The following TSR1 variants were observed in gnomAD, a reference collection of about 807,000 sequenced individuals.
The protein encoded by TSR1 is pre-rRNA-processing protein TSR1 homolog.
Under a neutral mutation model 90.9 loss-of-function variants are expected in TSR1, and 81 were observed. That is an observed-to-expected ratio of 0.89 (90% CI 0.74 to 1.07). The LOEUF (loss-of-function observed/expected upper bound fraction) is 1.07. Among genes scored for constraint, TSR1 ranks in the 50% least tolerant of loss-of-function variants. The pLI is 0.00. For missense variants in TSR1, 989 were observed against 987.3 expected (o/e 1.00, Z -0.02); for synonymous variants, 362 against 348.8 (o/e 1.04, Z -0.42).
At chr17:2,333,485 T>A (rs1051525209) in intron 6 of TSR1, 72 bp downstream of exon 6, 1 of 1,597,928 alleles carries the variant, frequency 6.3e-7, no homozygotes, top group Non-Finnish European at 8.6e-7. Context: ...TATAGGGCCC[T>A]CACTTGGAAC....
chr17:2,332,874 A>G (rs1447251383), intron 7 of TSR1, 87 bp downstream of exon 7: 10 of 1,292,210 alleles, frequency 7.7e-6, no homozygotes, highest in Non-Finnish European at 1.1e-5. Flanking sequence ...AAAGAAACTA[A>G]CCACACACAC....
intron 8 of TSR1, among the ~76,000 whole-genome samples, 189 bp downstream of exon 8, chr17:2,331,980 C>T (rs1378027188): frequency 1.3e-5 from 2 of 152,226 alleles, no homozygotes; most frequent in African/African-American, 4.8e-5. Flanking sequence ...GTCTGCACCA[C>T]AGTCTAGAAC....
chr17:2,335,610 T>A lies in TSR1; in HGVS notation c.322A>T (p.Thr108Ser), dbSNP rs535359884. ...EAMQLLQDRD[T>S]GTVHLNELGN... ...AATTCATTCAAGTGTACTGTTCCAG[T>A]GTCCCTATCTTGAAGCAGCTGCATG... The change falls in exon 3 of 15, where the codon ACT becomes TCT. Residue 108 changes from threonine to serine, a missense_variant. Coordinates refer to ENST00000301364, the MANE Select transcript of TSR1 (RefSeq NM_018128.5). The A allele has an allele frequency of 1.2e-6, 2 of 1,614,190 alleles. No individual in the cohort carries two copies. The highest frequency in any genetic ancestry group is 4.5e-5 in the East Asian group (2 of 44,886).
rs892430076 is a variant in TSR1 at position 2,323,668 on chromosome 17, T to G, written c.*528A>C. ...CCATATCAACAGTGTGCAACCCAGCTGGTGTGGGAGAGGATGAAACTACTC... is the reference window on the plus strand; with the variant it reads ...CCATATCAACAGTGTGCAACCCAGCGGGTGTGGGAGAGGATGAAACTACTC... On this transcript the variant is annotated 3_prime_UTR_variant, in exon 15 of 15. Transcript: ENST00000301364. The G allele has an allele frequency of 1.9e-6, 3 of 1,613,988 alleles. No individual in the cohort carries two copies. Among genetic ancestry groups the G allele is most frequent in the African/African-American group, 2.7e-5 (2 of 74,934 alleles).
chr17:2,328,570 C>G (rs192399291), intron 11 of TSR1, among the ~76,000 whole-genome samples: 2 of 150,952 alleles, frequency 1.3e-5, no homozygotes, highest in Admixed American at 1.3e-4. Flanking sequence ...GCCTGGGCAA[C>G]GGAGTAAGAC....
rs1275941081 is a variant in TSR1, at chr17:2,336,044, T to C, written c.194A>G (p.Lys65Arg). 1 of 1,614,184 alleles carries C rather than the reference T, an allele frequency of 6.2e-7. No homozygotes were observed. The highest frequency in any genetic ancestry group is 1.1e-5 in the South Asian group (1 of 91,070). Residue 65 changes from lysine to arginine, a missense_variant, in exon 2 of 15, where the codon AAG becomes AGG. By Grantham distance (26) the Lys-to-Arg change is conservative. Coordinates refer to ENST00000301364, the MANE Select transcript of TSR1 (RefSeq NM_018128.5). ...AAATCCCGCTCCTCTCACCGCCTCC[T>C]TCTTCTGCTTTCGGAGCTGGCTGGC... ...HRASQLRKQKKEAVLAEKRQL... is the reference protein window; with the variant it reads ...HRASQLRKQKREAVLAEKRQL...
chr17:2,328,919 C>CAAAAAAAAAAAAA (rs56003468), intron 11 of TSR1: 1 of 90,460 alleles, frequency 1.1e-5, no homozygotes, highest in African/African-American at 6.0e-5. Context: ...GACTCCGTCT[C>CAAAAAAAAAAAAA]AAAAAAAAAA....
Position 2,323,635 on chromosome 17 carries a change from A to G in TSR1, c.*561T>C, listed in dbSNP as rs773351524. On this transcript the variant is annotated 3_prime_UTR_variant, in exon 15 of 15. Coordinates refer to ENST00000301364, the MANE Select transcript of TSR1 (RefSeq NM_018128.5). ...CTAGACTCCCCTTTCACTAATTCCT[A>G]CTCCCTTCCATATCAACAGTGTGCA... 6.2e-7 allele frequency: 1 copy of G among 1,611,664 alleles called. No homozygotes were observed. The highest frequency in any genetic ancestry group is 1.7e-5 in the Admixed American group (1 of 59,998).
At chr17:2,335,788 T>C in intron 2 of TSR1, 58 bp from the exon 3 acceptor site, 1 of 1,550,572 alleles carries the variant, frequency 6.4e-7, no homozygotes, top group Non-Finnish European at 8.7e-7. Flanking sequence ...ACTCCAGCAT[T>C]GCATTTCCAC....
intron 9 of TSR1, 85 bp downstream of exon 9, chr17:2,330,862 T>C (rs2063998967): frequency 2.7e-6 from 4 of 1,472,498 alleles, no homozygotes; most frequent in African/African-American, 1.4e-5. Context: ...AAATGCAGCA[T>C]ATTTTCATGC....
At chr17:2,335,463 A>T (rs1174304667) in intron 3 of TSR1, 48 bp downstream of exon 3, 1 of 1,586,064 alleles carries the variant, frequency 6.3e-7, no homozygotes, top group Admixed American at 1.9e-5. Context: ...AAAAAAAAAA[A>T]AATACCACTA....
At position 2,333,549 on chromosome 17, in the gene TSR1, A is replaced by G; in HGVS notation, c.1141+8T>C. On this transcript the variant is annotated splice_region_variant and intron_variant, in intron 6 of 14. Transcript: ENST00000301364. ...AGATGAATTACAGACAAGTTTACCA[A>G]TACTGACCCTTTGCCTCGCTCAGCT... The G allele has an allele frequency of 3.7e-6, 6 of 1,614,048 alleles. No individual in the cohort carries two copies. Among genetic ancestry groups the G allele is most frequent in the Non-Finnish European group, 5.1e-6 (6 of 1,179,972 alleles).
At chr17:2,329,720 A>G (rs1037663800) in intron 10 of TSR1, among the ~76,000 whole-genome samples, 7 of 152,066 alleles carry the variant, frequency 4.6e-5, no homozygotes, top group Non-Finnish European at 1.0e-4. Context: ...ACCTTCCTGC[A>G]CCTAACAGAA....
Position 2,324,529 on chromosome 17 carries a change from C to T in TSR1, c.2211G>A (p.Arg737=). The T allele has an allele frequency of 6.2e-7, 1 of 1,614,218 alleles. No homozygotes were observed. The highest frequency in any genetic ancestry group is 8.5e-7 in the Non-Finnish European group (1 of 1,180,044). The change falls in exon 14 of 15, where the codon CGG becomes CGA. Residue 737 remains arginine, a synonymous_variant. Transcript: ENST00000301364. ...CTAAAGGTTCCTTGATATGTCCTCT[C>T]CGGCCCCACTTCGTTCTCAGTTCCA... ...KPVELRTKWG[R]RGHIKEPLGT...
In TSR1 at chr17:2,323,222, G is replaced by A. The variant is rs1334972922; in HGVS notation, c.*974C>T. On this transcript the variant is annotated 3_prime_UTR_variant, in exon 15 of 15. Transcript: ENST00000301364. ...AGTCCAAGCTGAAGGGGAAACTGAT[G>A]CCCAATCTTTATCCTCCAGAAACCA... 1 of 1,614,076 alleles carries A rather than the reference G, an allele frequency of 6.2e-7. No individual in the cohort carries two copies. The highest frequency in any genetic ancestry group is 2.2e-5 in the East Asian group (1 of 44,900).
rs945288180 is a variant in TSR1 at position 2,322,746 on chromosome 17, T to G, written c.*1450A>C. The G allele has an allele frequency of 9.4e-5, 20 of 212,884 alleles. No individual in the cohort carries two copies. The highest frequency in any genetic ancestry group is 3.6e-4 in the East Asian group (3 of 8,306). The allele number at this position is 212,884 out of a possible 1,614,324, so 13.2% of individuals were successfully genotyped here. A position where few individuals can be genotyped will look rare whatever the true frequency, so the allele number is the denominator to read the frequency against. On this transcript the variant is annotated 3_prime_UTR_variant, in exon 15 of 15. Transcript: ENST00000301364. ...TTAGCCAGGATGGTCTTGATCTCCCTACCTCGTGATCCGCCCACCTCGGCC... is the reference window on the plus strand; with the variant it reads ...TTAGCCAGGATGGTCTTGATCTCCCGACCTCGTGATCCGCCCACCTCGGCC...
intron 1 of TSR1, 77 bp downstream of exon 1, chr17:2,336,252 CAG>C: frequency 6.2e-7 from 1 of 1,602,202 alleles, no homozygotes; most frequent in Non-Finnish European, 8.6e-7. Context: ...AGACGGGAGA[CAG>C]AAGCTCAGTC....
chr17:2,332,900 C>T, intron 7 of TSR1, 61 bp downstream of exon 7: 2 of 1,542,502 alleles, frequency 1.3e-6, no homozygotes, highest in Non-Finnish European at 1.8e-6. Context: ...AAGATCACAC[C>T]TGCACTTTGC....
chr17:2,324,646 ACCACAAAGGCAAT>A (rs2075563554), intron 13 of TSR1, 30 bp downstream of exon 13: 1 of 1,613,848 alleles, frequency 6.2e-7, no homozygotes, highest in Admixed American at 1.7e-5. Flanking sequence ...CAACCTTTAT[ACCACAAAGGCAAT>A]CAGATCCCAT....
Sources: allele counts gnomAD v4.1 joint callset (sites outside exome capture counted in the v4.1 genomes callset), GRCh38; gene constraint gnomAD v4.1.1; transcripts MANE v1.5; gene names NCBI Gene and HGNC (gene_info 2026-07-23, HGNC 2026-07-21).